Variants in SUFU observed in about 807,000 individuals in gnomAD.
The protein encoded by SUFU is suppressor of fused homolog.
Under a neutral mutation model 58.9 loss-of-function variants are expected in SUFU, and 7 were observed. That is an observed-to-expected ratio of 0.12 (90% CI 0.07 to 0.22). The LOEUF (loss-of-function observed/expected upper bound fraction) is 0.22, where lower values mean the gene tolerates loss of function less well. SUFU is among the 10% of genes least tolerant of loss of function. The pLI is 1.00. For missense variants in SUFU, 451 were observed against 641.3 expected (o/e 0.70, Z 3.20); for synonymous variants, 232 against 254.8 (o/e 0.91, Z 0.85).
At chr10:102,521,407 A>G (rs1179136171) in intron 2 of SUFU, among the ~76,000 whole-genome samples, 2 of 152,092 alleles carry the variant, frequency 1.3e-5, no homozygotes, top group East Asian at 3.8e-4. Flanking sequence ...TCTTTTGGTC[A>G]CTTCTCAAGC....
At chr10:102,563,852 C>T (rs1033840124) in intron 3 of SUFU, among the ~76,000 whole-genome samples, 1 of 151,014 alleles carries the variant, frequency 6.6e-6, no homozygotes, top group South Asian at 2.1e-4. Flanking sequence ...GTGGCTCTTA[C>T]GCAGAAGGGA....
chr10:102,532,248 C>T lies in SUFU; in HGVS notation c.318-17722C>T, dbSNP rs553798710. Among the ~76,000 whole-genome samples the T allele has an allele frequency of 1.8e-3, 276 of 152,304 alleles. 3 individuals carry two copies. Among genetic ancestry groups the T allele is most frequent in the African/African-American group, 6.5e-3 (271 of 41,556 alleles). ...CCACCCAAAGTGCTGGGATTGCAGG[C>T]GTGAGCCACCATGCTCCTGTTAGAA... On this transcript the variant is annotated intron_variant, in intron 2 of 11. Coordinates refer to ENST00000369902, the MANE Select transcript of SUFU (RefSeq NM_016169.4).
At chr10:102,551,579 T>A (rs534633207) in intron 3 of SUFU, among the ~76,000 whole-genome samples, 1 of 150,608 alleles carries the variant, frequency 6.6e-6, no homozygotes, top group Admixed American at 6.6e-5. Context: ...CAGATGTTAC[T>A]GTGAGCCAAG....
At chr10:102,612,487 A>G (rs11191352) in intron 8 of SUFU, among the ~76,000 whole-genome samples, 68,895 of 151,878 alleles carry the variant, frequency 0.45, 16,020 homozygotes, top group East Asian at 0.68. Flanking sequence ...TGTGGCAGTT[A>G]CCAAGGTGAC....
intron 10 of SUFU, among the ~76,000 whole-genome samples, chr10:102,622,394 G>A (rs578129177): frequency 8.5e-5 from 13 of 152,208 alleles, no homozygotes; most frequent in Non-Finnish European, 1.8e-4. Context: ...TGGATCATCT[G>A]AGGTCGGGAG....
intron 10 of SUFU, among the ~76,000 whole-genome samples, chr10:102,626,492 A>T (rs1256740862): frequency 6.6e-6 from 1 of 152,146 alleles, no homozygotes; most frequent in African/African-American, 2.4e-5. Flanking sequence ...CCTAGAGAAG[A>T]GGAACCTCAA....
chr10:102,589,105 G>A (rs1048610332), intron 3 of SUFU, among the ~76,000 whole-genome samples: 2 of 151,694 alleles, frequency 1.3e-5, no homozygotes, highest in African/African-American at 4.8e-5. Flanking sequence ...GTGTGTGTGT[G>A]TATGGAGATG....
intron 8 of SUFU, among the ~76,000 whole-genome samples, chr10:102,602,385 C>A (rs973263995): frequency 5.9e-5 from 9 of 152,174 alleles, no homozygotes. Context: ...TGGTAGAATT[C>A]ATCTAACTAG....
chr10:102,511,808 T>C (rs761225664), intron 2 of SUFU, among the ~76,000 whole-genome samples: 14 of 152,242 alleles, frequency 9.2e-5, no homozygotes, highest in Non-Finnish European at 1.8e-4. Context: ...CCTCCTGGGC[T>C]CAAGCAATTA....
At chr10:102,573,027 CG>C in intron 3 of SUFU, 1 of 1,049,466 alleles carries the variant, frequency 9.5e-7, no homozygotes, top group South Asian at 1.2e-5. Flanking sequence ...GCTTGTTCTC[CG>C]GGGTTGGTCT....
At chr10:102,590,227 G>A (rs1432865478) in intron 3 of SUFU, among the ~76,000 whole-genome samples, 4 of 128,746 alleles carry the variant, frequency 3.1e-5, no homozygotes, top group Admixed American at 9.4e-5. Context: ...GTGCAGTGGC[G>A]CAATCTCTGC....
At chr10:102,616,994 AAGGGAGGTGAGCTCCAGGATCTCTGC>A (rs1189841078) in intron 9 of SUFU, among the ~76,000 whole-genome samples, 6 of 152,170 alleles carry the variant, frequency 3.9e-5, no homozygotes, top group African/African-American at 1.4e-4. Context: ...CAATTTTCCT[AAGGGAGGTGAGCTCCAGGATCTCTGC>A]AGGGCTTTTG....
chr10:102,597,100 TCTCTGAAAGAA>T lies in SUFU; in HGVS notation c.757-34_757-24del, dbSNP rs1458116134. The T allele has an allele frequency of 1.9e-6, 3 of 1,613,538 alleles. No homozygotes were observed. Among genetic ancestry groups the T allele is most frequent in the Non-Finnish European group, 2.5e-6 (3 of 1,179,888 alleles). ...AGGGTGGTCACCTTGGGTCACCAGT[TCTCTGAAAGAA>T]CTCTGGCTCTTTGGTTCTTTTCAAG... On this transcript the variant is annotated intron_variant, in intron 6 of 11. Transcript: ENST00000369902.
chr10:102,534,366 G>A, intron 2 of SUFU, among the ~76,000 whole-genome samples: 1 of 152,212 alleles, frequency 6.6e-6, no homozygotes, highest in Non-Finnish European at 1.5e-5. Context: ...AGCGGAGCTT[G>A]TGGTGAGCCA....
intron 2 of SUFU, among the ~76,000 whole-genome samples, chr10:102,548,949 C>T (rs2062881399): frequency 6.6e-6 from 1 of 152,208 alleles, no homozygotes; most frequent in African/African-American, 2.4e-5. Context: ...TCTAGGGTTC[C>T]AGCAATTGAA....
intron 2 of SUFU, among the ~76,000 whole-genome samples, chr10:102,533,314 G>A (rs1173163949): frequency 2.0e-5 from 3 of 151,910 alleles, no homozygotes; most frequent in Non-Finnish European, 2.9e-5. Context: ...GCTCACACCT[G>A]TAATCCCAGC....
At chr10:102,545,116 CT>C (rs555758506) in intron 2 of SUFU, among the ~76,000 whole-genome samples, 173 of 143,086 alleles carry the variant, frequency 1.2e-3, no homozygotes, top group Middle Eastern at 3.7e-3. Context: ...TTTCTTTTTT[CT>C]TTTTTTTTTT....
At chr10:102,549,494 C>T (rs1272449425) in intron 2 of SUFU, among the ~76,000 whole-genome samples, 1 of 152,302 alleles carries the variant, frequency 6.6e-6, no homozygotes, top group East Asian at 1.9e-4. Flanking sequence ...ATGGGGATTA[C>T]AATTCAAGAT....
At chr10:102,511,577 T>C (rs769429558) in intron 2 of SUFU, among the ~76,000 whole-genome samples, 2 of 152,332 alleles carry the variant, frequency 1.3e-5, no homozygotes, top group African/African-American at 2.4e-5. Context: ...TACAATCTTA[T>C]CAGGGTCTCG....
Sources: gnomAD v4.1 joint callset for allele counts (sites outside exome capture counted in the v4.1 genomes callset) on GRCh38, gnomAD v4.1.1 for gene constraint, MANE v1.5 for transcripts, NCBI Gene and HGNC (gene_info 2026-07-23, HGNC 2026-07-21) for gene names.